Variants in PLA2G5 observed in about 807,000 individuals in gnomAD.
PLA2G5 encodes the protein phospholipase A2 group V, also known as Ca2+-dependent phospholipase A2.
Under a neutral mutation model 15.9 loss-of-function variants are expected in PLA2G5, and 12 were observed. The ratio of observed to expected loss-of-function variants is 0.76; its 90% confidence interval spans 0.48 to 1.23. The LOEUF (loss-of-function observed/expected upper bound fraction) is 1.23, where lower values mean the gene tolerates loss of function less well. Among genes scored for constraint, PLA2G5 ranks in the 50% most tolerant of loss-of-function variants. The probability of loss-of-function intolerance (pLI) is 0.00; values close to 1 mark genes in which losing one functional copy is unlikely to be tolerated. For synonymous variants in PLA2G5, 71 were observed against 71.4 expected (o/e 0.99, Z 0.03); for missense variants, 169 against 177.1 (o/e 0.95, Z 0.26).
At chr1:20,028,717 T>C (rs1433018779) in intron 1 of PLA2G5, 1 of 152,208 alleles carries the variant, frequency 6.6e-6, no homozygotes, top group African/African-American at 2.4e-5. Flanking sequence ...AAGGTGAGTA[T>C]ATATGGGCCA....
intron 3 of PLA2G5, among the ~76,000 whole-genome samples, chr1:20,088,086 G>A (rs1216299121): frequency 2.6e-5 from 4 of 151,576 alleles, no homozygotes; most frequent in African/African-American, 4.9e-5. Flanking sequence ...GGCCGGGCGC[G>A]GTGGCTCACG....
chr1:20,083,007 T>A (rs1358289015), intron 1 of PLA2G5, among the ~76,000 whole-genome samples: 1 of 151,902 alleles, frequency 6.6e-6, no homozygotes, highest in Non-Finnish European at 1.5e-5. Context: ...CCTGCCAAGG[T>A]CATTGATGGG....
Position 20,045,432 on chromosome 1 carries a change from A to C in PLA2G5, n.277-14200A>C, listed in dbSNP as rs2013847361. Among the ~76,000 whole-genome samples, 2 of 152,182 alleles carry C rather than the reference A, an allele frequency of 1.3e-5. 1 individual carries two copies. The highest frequency in any genetic ancestry group is 4.1e-4 in the South Asian group (2 of 4,824). On this transcript the variant is annotated intron_variant and non_coding_transcript_variant, in intron 1 of 6. Coordinates refer to the PLA2G5 transcript ENST00000460175. ...GGCGTCACCACAGTGATTAAACATG[A>C]AGGGAAGACTGTCTTCCCAAGTTCG...
intron 3 of PLA2G5, among the ~76,000 whole-genome samples, chr1:20,089,577 C>T (rs537727412): frequency 6.6e-6 from 1 of 152,106 alleles, no homozygotes; most frequent in Non-Finnish European, 1.5e-5. Context: ...GTAGTCTAGT[C>T]GTGAGACCAG....
chr1:20,083,541 G>A (rs1169315364), intron 1 of PLA2G5, among the ~76,000 whole-genome samples: 2 of 151,868 alleles, frequency 1.3e-5, no homozygotes, highest in Non-Finnish European at 2.9e-5. Flanking sequence ...TGCCGGCAAG[G>A]AACCTCTGAG....
At chr1:20,048,073 A>T in intron 1 of PLA2G5, among the ~76,000 whole-genome samples, 1 of 152,150 alleles carries the variant, frequency 6.6e-6, no homozygotes, top group East Asian at 1.9e-4. Context: ...TGCCTAACAC[A>T]TCTATCTATT....
intron 2 of PLA2G5, among the ~76,000 whole-genome samples, chr1:20,062,042 C>A (rs985021161): frequency 6.6e-6 from 1 of 152,192 alleles, no homozygotes; most frequent in Admixed American, 6.5e-5. Flanking sequence ...CTTGCTTGTT[C>A]CTCTTTTCTC....
intron 1 of PLA2G5, among the ~76,000 whole-genome samples, chr1:20,055,346 C>T (rs376448618): frequency 2.0e-4 from 30 of 152,248 alleles, no homozygotes; most frequent in South Asian, 6.2e-4. Flanking sequence ...TTTTTAGGGG[C>T]GGAAATAAAT....
At chr1:20,051,497 G>A (rs2014175455) in intron 1 of PLA2G5, among the ~76,000 whole-genome samples, 1 of 152,182 alleles carries the variant, frequency 6.6e-6, no homozygotes, top group Non-Finnish European at 1.5e-5. Flanking sequence ...GCTATTAACA[G>A]CTTTTAACAA....
intron 1 of PLA2G5, among the ~76,000 whole-genome samples, chr1:20,043,580 A>G (rs2100354002): frequency 6.6e-6 from 1 of 152,248 alleles, no homozygotes; most frequent in Admixed American, 6.5e-5. Context: ...TGGGTTGGGA[A>G]GAAGGGTGGC....
At chr1:20,046,267 T>C (rs987158395) in intron 1 of PLA2G5, 11 of 152,216 alleles carry the variant, frequency 7.2e-5, no homozygotes, top group African/African-American at 2.4e-4. Flanking sequence ...TTTCTTCCAG[T>C]CTTTTGCCAA....
intron 1 of PLA2G5, among the ~76,000 whole-genome samples, chr1:20,046,477 C>T (rs1157055902): frequency 6.6e-6 from 1 of 152,100 alleles, no homozygotes; most frequent in South Asian, 2.1e-4. Flanking sequence ...ACTTTTTTTC[C>T]ACCCTATATC....
intron 1 of PLA2G5, among the ~76,000 whole-genome samples, chr1:20,032,181 A>T (rs1235950059): frequency 6.6e-6 from 1 of 152,100 alleles, no homozygotes; most frequent in African/African-American, 2.4e-5. Context: ...TTACCTGAAG[A>T]TTGGTGGTGA....
upstream of PLA2G5, among the ~76,000 whole-genome samples, chr1:20,066,526 G>A (rs1557739484): frequency 6.6e-6 from 1 of 152,104 alleles, no homozygotes; most frequent in Admixed American, 6.5e-5. Flanking sequence ...TACAAATCAG[G>A]GATTTCCACC....
chr1:20,050,486 A>G (rs1451950658), intron 1 of PLA2G5, among the ~76,000 whole-genome samples: 2 of 152,228 alleles, frequency 1.3e-5, no homozygotes, highest in East Asian at 1.9e-4. Flanking sequence ...ACACTGATGC[A>G]AGACCAGCAT....
At chr1:20,084,950 G>A in intron 2 of PLA2G5, 80 bp downstream of exon 2, 1 of 956,608 alleles carries the variant, frequency 1.0e-6, no homozygotes, top group Non-Finnish European at 1.7e-6. Flanking sequence ...ACCAGCCATT[G>A]AGGTCGTAGA....
rs537913743 is a variant in PLA2G5, at chr1:20,028,958, G to A, written n.276+249G>A. ...CTCTGACCCCACGACAGTGTCTAGG[G>A]ATGAGTGTTTACAGCTGAGGCCCCA... On this transcript the variant is annotated intron_variant and non_coding_transcript_variant, in intron 1 of 6. Coordinates refer to the PLA2G5 transcript ENST00000460175. Among the ~76,000 whole-genome samples, 11 of 152,344 alleles carry A rather than the reference G, an allele frequency of 7.2e-5. No individual in the cohort carries two copies. The South Asian group carries it at 2.3e-3, about 32-fold the overall frequency.
At chr1:20,048,584 C>T (rs1224090262) in intron 1 of PLA2G5, among the ~76,000 whole-genome samples, 1 of 152,176 alleles carries the variant, frequency 6.6e-6, no homozygotes, top group African/African-American at 2.4e-5. Context: ...TGGGAAAGGA[C>T]TGTTATCATC....
chr1:20,046,638 T>G (rs2013920864), intron 1 of PLA2G5, among the ~76,000 whole-genome samples: 1 of 152,140 alleles, frequency 6.6e-6, no homozygotes, highest in Admixed American at 6.5e-5. Flanking sequence ...ATGGGCAGAT[T>G]CTTCTTAGGT....
Sources: allele counts gnomAD v4.1 joint callset (sites outside exome capture counted in the v4.1 genomes callset), GRCh38; gene constraint gnomAD v4.1.1; transcripts MANE v1.5; gene names NCBI Gene and HGNC (gene_info 2026-07-23, HGNC 2026-07-21).